UNC13B: variants seen among roughly 807,000 people sequenced by gnomAD.
UNC13B encodes unc-13 homolog B.
Under a neutral mutation model 211.0 loss-of-function variants are expected in UNC13B, and 144 were observed. That is an observed-to-expected ratio of 0.68 (90% CI 0.60 to 0.78). The LOEUF (loss-of-function observed/expected upper bound fraction) is 0.78, where lower values mean the gene tolerates loss of function less well. Ranked by LOEUF, UNC13B falls within the 30% of genes least tolerant of loss-of-function variation. The pLI is 0.00. For missense variants in UNC13B, 1,777 were observed against 2,002.0 expected (o/e 0.89, Z 2.14); for synonymous variants, 709 against 725.8 (o/e 0.98, Z 0.37).
chr9:35,177,732 TG>T (rs1164952611), intron 1 of UNC13B, among the ~76,000 whole-genome samples: 1 of 152,052 alleles, frequency 6.6e-6, no homozygotes, highest in Non-Finnish European at 1.5e-5. Flanking sequence ...TATATAAAAA[TG>T]AGGAAGAAGT....
At chr9:35,174,757 G>A (rs1237138248) in intron 1 of UNC13B, among the ~76,000 whole-genome samples, 1 of 152,110 alleles carries the variant, frequency 6.6e-6, no homozygotes, top group Admixed American at 6.6e-5. Context: ...CACTGTGTTA[G>A]CCAGGATAGT....
chr9:35,296,628 G>C (rs953663170), intron 8 of UNC13B, among the ~76,000 whole-genome samples: 2 of 152,060 alleles, frequency 1.3e-5, no homozygotes, highest in African/African-American at 2.4e-5. Context: ...CAGACTTAAA[G>C]AAAATTTGGA....
chr9:35,398,747 T>G, intron 32 of UNC13B, 105 bp downstream of exon 32: 4 of 1,556,352 alleles, frequency 2.6e-6, no homozygotes, highest in Non-Finnish European at 3.5e-6. Flanking sequence ...TGTGTGGATC[T>G]TCCCTGTACT....
intron 1 of UNC13B, among the ~76,000 whole-genome samples, chr9:35,200,830 T>C (rs1170314710): frequency 6.6e-6 from 1 of 152,192 alleles, no homozygotes; most frequent in Non-Finnish European, 1.5e-5. Flanking sequence ...CCTTTATTTC[T>C]TTCTCTTGCC....
intron 1 of UNC13B, among the ~76,000 whole-genome samples, chr9:35,194,946 G>A (rs1822854329): frequency 6.6e-6 from 1 of 152,202 alleles, no homozygotes; most frequent in East Asian, 1.9e-4. Context: ...AGAGCAAAAG[G>A]TGGACTGGCG....
intron 7 of UNC13B, among the ~76,000 whole-genome samples, chr9:35,260,731 A>T (rs1297820654): frequency 6.6e-6 from 1 of 152,300 alleles, no homozygotes; most frequent in Admixed American, 6.5e-5. Context: ...ATAGGAGGTC[A>T]GAAGAATCTG....
chr9:35,173,034 A>G (rs973058154), intron 1 of UNC13B, among the ~76,000 whole-genome samples: 15 of 152,262 alleles, frequency 9.9e-5, no homozygotes, highest in African/African-American at 3.4e-4. Flanking sequence ...TTCTCTTGCA[A>G]CTGTTTGCTT....
chr9:35,398,722 C>T, intron 32 of UNC13B, 80 bp downstream of exon 32: 1 of 1,563,562 alleles, frequency 6.4e-7, no homozygotes, highest in Non-Finnish European at 8.8e-7. Flanking sequence ...CCACACCTCT[C>T]CATATAGCTG....
chr9:35,190,861 A>C lies in UNC13B; in HGVS notation c.22+28556A>C, dbSNP rs193103550. 1.4e-4 allele frequency among the ~76,000 whole-genome samples: 22 copies of C among 152,354 alleles called. No individual in the cohort carries two copies. In the East Asian group the frequency reaches 3.7e-3, roughly 25 times the overall value. On this transcript the variant is annotated intron_variant, in intron 1 of 39. Transcript: ENST00000635942. ...TAAACTTTAGCCACACCAAGCAGTT[A>C]AGATTTTCAGCTTTTGAATGTCACA...
chr9:35,184,386 C>T (rs578250325), intron 1 of UNC13B, among the ~76,000 whole-genome samples: 35 of 152,292 alleles, frequency 2.3e-4, no homozygotes, highest in African/African-American at 7.2e-4. Context: ...TGTGGCGAGC[C>T]GAGATCAAGC....
chr9:35,199,915 C>G (rs549486570), intron 1 of UNC13B, among the ~76,000 whole-genome samples: 1 of 152,126 alleles, frequency 6.6e-6, no homozygotes. Flanking sequence ...AGTCCTTGCC[C>G]ATGCCTATGT....
chr9:35,342,107 GT>G (rs1564149077), intron 11 of UNC13B: 1 of 985,268 alleles, frequency 1.0e-6, no homozygotes, highest in Non-Finnish European at 1.2e-6. Context: ...ACTTTGTGCC[GT>G]GGAGCCAGCC....
intron 6 of UNC13B, among the ~76,000 whole-genome samples, chr9:35,247,658 A>G (rs181482474): frequency 6.6e-6 from 1 of 152,314 alleles, no homozygotes; most frequent in East Asian, 1.9e-4. Flanking sequence ...AATTAGATTT[A>G]TTGATTTGTG....
intron 11 of UNC13B, among the ~76,000 whole-genome samples, chr9:35,338,283 A>G (rs1831780219): frequency 6.6e-6 from 1 of 152,212 alleles, no homozygotes; most frequent in Non-Finnish European, 1.5e-5. Context: ...GTTTCTGCTA[A>G]TCAGGGATGG....
intron 11 of UNC13B, among the ~76,000 whole-genome samples, chr9:35,328,869 G>A (rs908906541): frequency 5.9e-5 from 9 of 151,648 alleles, no homozygotes; most frequent in Middle Eastern, 6.8e-3. Flanking sequence ...CTGGGTTCAC[G>A]CCATTCTCCT....
intron 37 of UNC13B, among the ~76,000 whole-genome samples, chr9:35,402,603 T>G (rs1211053541): frequency 6.6e-6 from 1 of 151,806 alleles, no homozygotes; most frequent in African/African-American, 2.4e-5. Flanking sequence ...TAAAATAGGG[T>G]GGGGTCTCTG....
At chr9:35,250,905 A>C (rs556820886) in intron 6 of UNC13B, among the ~76,000 whole-genome samples, 1 of 148,912 alleles carries the variant, frequency 6.7e-6, no homozygotes, top group African/African-American at 2.5e-5. Flanking sequence ...CCATTTAAAA[A>C]CTTTTTTATT....
intron 6 of UNC13B, among the ~76,000 whole-genome samples, chr9:35,254,461 A>G (rs920750071): frequency 6.6e-6 from 1 of 152,118 alleles, no homozygotes; most frequent in Non-Finnish European, 1.5e-5. Context: ...CTCCACCCTT[A>G]TGACCTAATC....
chr9:35,221,092 G>A (rs966500320), intron 1 of UNC13B, among the ~76,000 whole-genome samples: 17 of 151,940 alleles, frequency 1.1e-4, no homozygotes, highest in Non-Finnish European at 2.1e-4. Flanking sequence ...ATTTTGAGAC[G>A]TTATCTCACT....
Sources: gnomAD v4.1 joint callset for allele counts (sites outside exome capture counted in the v4.1 genomes callset) on GRCh38, gnomAD v4.1.1 for gene constraint, MANE v1.5 for transcripts, NCBI Gene and HGNC (gene_info 2026-07-23, HGNC 2026-07-21) for gene names.